PDE10A: variants seen among roughly 807,000 people sequenced by gnomAD.
PDE10A encodes the protein phosphodiesterase 10A.
In PDE10A, 39 loss-of-function variants were observed where a neutral mutation model predicts 97.7. That is an observed-to-expected ratio of 0.40 (90% CI 0.31 to 0.52). The LOEUF (loss-of-function observed/expected upper bound fraction) is 0.52, where lower values mean the gene tolerates loss of function less well. PDE10A is among the 20% of genes least tolerant of loss of function. The pLI, the probability that PDE10A is intolerant of heterozygous loss-of-function variation, is 0.56. For synonymous variants in PDE10A, 371 were observed against 376.8 expected (o/e 0.98, Z 0.18); for missense variants, 731 against 1,047.8 (o/e 0.70, Z 4.17).
intron 16 of PDE10A, among the ~76,000 whole-genome samples, chr6:165,389,189 T>C (rs932186981): frequency 4.0e-5 from 6 of 148,524 alleles, no homozygotes; most frequent in African/African-American, 1.5e-4. Flanking sequence ...AAAAGGCTTA[T>C]ATTCTCAGTG....
chr6:165,365,453 T>A (rs1356257498), intron 18 of PDE10A, among the ~76,000 whole-genome samples: 1 of 152,172 alleles, frequency 6.6e-6, no homozygotes, highest in Non-Finnish European at 1.5e-5. Context: ...CCCAGCACTT[T>A]GGGAGGCTGG....
rs181180762 is a variant in PDE10A at position 165,327,882 on chromosome 6, G to T, written c.*5143C>A. On this transcript the variant is annotated 3_prime_UTR_variant, in exon 22 of 22. Coordinates refer to ENST00000539869, the MANE Select transcript of PDE10A (RefSeq NM_001385079.1). ...TTGTATTTGTGATGGCATATAACCT[G>T]TGTTACTCTCCAGTAGTTTTTGGTC... The T allele has an allele frequency of 6.6e-6, 1 of 152,212 alleles. No homozygotes were observed. Among genetic ancestry groups the T allele is most frequent in the Non-Finnish European group, 1.5e-5 (1 of 68,052 alleles). 9.4% of individuals were successfully genotyped at this position (152,212 alleles called of 1,614,324 possible). A position where few individuals can be genotyped will look rare whatever the true frequency, so the allele number is the denominator to read the frequency against.
intron 1 of PDE10A, among the ~76,000 whole-genome samples, chr6:165,633,077 G>A (rs1474107229): frequency 9.6e-6 from 1 of 104,344 alleles, no homozygotes; most frequent in Non-Finnish European, 2.0e-5. Flanking sequence ...AAGTCACCGT[G>A]TCAAAAAAAA....
At chr6:165,500,262 T>C (rs1452352306) in intron 2 of PDE10A, among the ~76,000 whole-genome samples, 2 of 151,968 alleles carry the variant, frequency 1.3e-5, no homozygotes, top group Admixed American at 6.6e-5. Context: ...AAAAACTGAC[T>C]ACTCACAGAT....
chr6:165,672,655 G>A (rs992694891), intron 1 of PDE10A, among the ~76,000 whole-genome samples: 3 of 152,068 alleles, frequency 2.0e-5, no homozygotes, highest in African/African-American at 7.2e-5. Context: ...CCTTTGCTTG[G>A]CTCTCACACT....
At chr6:165,545,405 T>C (rs1335484018) in intron 1 of PDE10A, among the ~76,000 whole-genome samples, 1 of 152,130 alleles carries the variant, frequency 6.6e-6, no homozygotes, top group Non-Finnish European at 1.5e-5. Flanking sequence ...TGTGTTACTA[T>C]TACTCTACAT....
chr6:165,600,283 C>T (rs752334549), intron 1 of PDE10A, among the ~76,000 whole-genome samples: 7 of 152,188 alleles, frequency 4.6e-5, no homozygotes, highest in Middle Eastern at 3.2e-3. Flanking sequence ...GCTTACCACC[C>T]GGGAGAGGGA....
intron 1 of PDE10A, among the ~76,000 whole-genome samples, chr6:165,626,632 A>G (rs1788399894): frequency 4.6e-5 from 7 of 152,234 alleles, no homozygotes; most frequent in Admixed American, 4.6e-4. Context: ...TTAATGTGTT[A>G]GGAAAGAAGA....
chr6:165,809,074 A>G (rs985876376), intron 1 of PDE10A, among the ~76,000 whole-genome samples: 1 of 152,212 alleles, frequency 6.6e-6, no homozygotes, highest in Non-Finnish European at 1.5e-5. Flanking sequence ...ACATTGTTTC[A>G]GCCTATGAAT....
intron 18 of PDE10A, among the ~76,000 whole-genome samples, chr6:165,358,219 A>G (rs778770999): frequency 1.3e-5 from 2 of 152,142 alleles, no homozygotes; most frequent in Non-Finnish European, 2.9e-5. Context: ...ATTAGGTCAC[A>G]ATAGTGTCGT....
intron 1 of PDE10A, among the ~76,000 whole-genome samples, chr6:165,839,528 T>G (rs192955087): frequency 6.6e-6 from 1 of 152,210 alleles, no homozygotes; most frequent in Non-Finnish European, 1.5e-5. Flanking sequence ...CCCCAATTCC[T>G]ATGGAGAAAC....
chr6:165,501,205 C>A (rs1428226727), intron 2 of PDE10A, among the ~76,000 whole-genome samples: 1 of 152,132 alleles, frequency 6.6e-6, no homozygotes, highest in Non-Finnish European at 1.5e-5. Context: ...TCCCACCTGA[C>A]AAGAAACACC....
intron 1 of PDE10A, among the ~76,000 whole-genome samples, chr6:165,825,566 C>T (rs1181551636): frequency 6.6e-6 from 1 of 152,210 alleles, no homozygotes; most frequent in Non-Finnish European, 1.5e-5. Context: ...TCCTGCTGGG[C>T]CTCTCCAGCC....
chr6:165,861,558 T>A (rs2934848), intron 1 of PDE10A, among the ~76,000 whole-genome samples: 1 of 151,470 alleles, frequency 6.6e-6, no homozygotes, highest in Non-Finnish European at 1.5e-5. Flanking sequence ...TTTTCCTGTG[T>A]GAAGGGGAGC....
chr6:165,892,069 G>A (rs759989946), intron 1 of PDE10A, among the ~76,000 whole-genome samples: 1 of 152,036 alleles, frequency 6.6e-6, no homozygotes, highest in South Asian at 2.1e-4. Flanking sequence ...AAATATCCAT[G>A]AGGCGGGTGA....
chr6:165,878,063 C>A (rs1218177028), intron 1 of PDE10A, among the ~76,000 whole-genome samples: 4 of 152,094 alleles, frequency 2.6e-5, no homozygotes, highest in Non-Finnish European at 5.9e-5. Flanking sequence ...ACTGAAGATA[C>A]CACTTCATTT....
chr6:165,929,257 G>A (rs562485787), intron 1 of PDE10A, among the ~76,000 whole-genome samples: 6 of 152,282 alleles, frequency 3.9e-5, no homozygotes, highest in Middle Eastern at 3.4e-3. Flanking sequence ...AGGAGTCCTC[G>A]AGTGCAGGTC....
At chr6:165,840,587 A>G (rs1157951672) in intron 1 of PDE10A, among the ~76,000 whole-genome samples, 2 of 152,204 alleles carry the variant, frequency 1.3e-5, no homozygotes, top group Non-Finnish European at 1.5e-5. Flanking sequence ...CCAAAACTGC[A>G]GGAGATGAAT....
At position 165,619,036 on chromosome 6, in the gene PDE10A, A is replaced by T. The variant is rs547155189; in HGVS notation, c.865+42911T>A. Among the ~76,000 whole-genome samples the T allele has an allele frequency of 4.6e-3, 701 of 151,086 alleles. 5 individuals are homozygous for T. Among genetic ancestry groups the T allele is most frequent in the Non-Finnish European group, 7.3e-3 (496 of 67,986 alleles). On this transcript the variant is annotated intron_variant, in intron 1 of 21. Transcript: ENST00000539869. ...AGTGTAGTCTAGCATAGTCTAGTGT[A>T]GTGTAGTGTAGTCTAGTGTGGTGTA... is the stretch of plus-strand genomic sequence containing the variant.
Sources: gnomAD v4.1 joint callset for allele counts (sites outside exome capture counted in the v4.1 genomes callset) on GRCh38, gnomAD v4.1.1 for gene constraint, MANE v1.5 for transcripts, NCBI Gene and HGNC (gene_info 2026-07-23, HGNC 2026-07-21) for gene names.